NCAPG2: variants seen among roughly 807,000 people sequenced by gnomAD.
NCAPG2 encodes non-SMC condensin II complex subunit G2, also known as condensin-2 complex subunit G2.
A neutral mutation model predicts 141.1 loss-of-function variants in NCAPG2; 53 were observed. The ratio of observed to expected loss-of-function variants is 0.38; its 90% confidence interval spans 0.30 to 0.47. The LOEUF is 0.47. Among genes scored for constraint, NCAPG2 ranks in the 20% least tolerant of loss-of-function variants. The pLI, the probability that NCAPG2 is intolerant of heterozygous loss-of-function variation, is 0.99. For synonymous variants in NCAPG2, 499 were observed against 490.7 expected (o/e 1.02, Z -0.22); for missense variants, 1,087 against 1,389.0 (o/e 0.78, Z 3.46).
rs563110018 is a variant in NCAPG2 at position 158,651,072 on chromosome 7, A to G, written c.2935-100T>C. On this transcript the variant is annotated intron_variant, in intron 23 of 27. Coordinates refer to ENST00000356309, the MANE Select transcript of NCAPG2 (RefSeq NM_017760.7). ...ATAAGTATTCTTACTATCCTCCCCC[A>G]GGACTCAAGGAGTCACTGATCTTGT... is the stretch of plus-strand genomic sequence containing the variant. 135 of 1,238,530 alleles carry G rather than the reference A, an allele frequency of 1.1e-4. No homozygotes were observed. The Admixed American group carries it at 1.5e-3, about 14-fold the overall frequency. 76.7% of individuals were successfully genotyped at this position (1,238,530 alleles called of 1,614,324 possible). A position where few individuals can be genotyped will look rare whatever the true frequency, so the allele number is the denominator to read the frequency against.
At position 158,664,135 on chromosome 7, in the gene NCAPG2, G is replaced by C. The variant is rs774668008; in HGVS notation, c.1815+49C>G. On this transcript the variant is annotated intron_variant, in intron 15 of 27. Transcript: ENST00000356309. ...ATTCCTAACATAATGGCCCATGGGA[G>C]TGATGCCACTGAGGCACTATCTGCC... 6 of 1,368,718 alleles carry C rather than the reference G, an allele frequency of 4.4e-6. No homozygotes were observed. In the South Asian group the frequency reaches 7.0e-5, roughly 16 times the overall value. The allele number at this position is 1,368,718 out of a possible 1,614,324, so 84.8% of individuals were successfully genotyped here.
chr7:158,690,889 C>T lies in NCAPG2; in HGVS notation c.383-167G>A, dbSNP rs1835075768. Among the ~76,000 whole-genome samples, 3 of 152,144 alleles carry T rather than the reference C, an allele frequency of 2.0e-5. No homozygotes were observed. The South Asian group carries it at 6.2e-4, about 32-fold the overall frequency. ...ATTTATATACATTAGTTATAAAATG[C>T]AAATAATGTTAATTAAAAAACTGTT... On this transcript the variant is annotated intron_variant, in intron 4 of 27. Coordinates refer to ENST00000356309, the MANE Select transcript of NCAPG2 (RefSeq NM_017760.7).
intron 24 of NCAPG2, among the ~76,000 whole-genome samples, chr7:158,648,394 A>C (rs1374021299): frequency 1.3e-5 from 2 of 151,322 alleles, no homozygotes; most frequent in Non-Finnish European, 3.0e-5. Context: ...GACAGGAAAG[A>C]AAAAAAAACA....
chr7:158,704,131 G>A (rs1427761675), intron 1 of NCAPG2, among the ~76,000 whole-genome samples: 1 of 147,824 alleles, frequency 6.8e-6, no homozygotes, highest in South Asian at 2.1e-4. Context: ...GACGCTCTCT[G>A]AGGGCAGTGC....
chr7:158,632,085 T>C (rs1563481065), intron 27 of NCAPG2, among the ~76,000 whole-genome samples: 3 of 152,102 alleles, frequency 2.0e-5, no homozygotes, highest in African/African-American at 7.2e-5. Context: ...ACAAGATAAA[T>C]AAAAACTATG....
At position 158,646,411 on chromosome 7, in the gene NCAPG2, G is replaced by A. The variant is rs372583976; in HGVS notation, c.3179+49C>T. The A allele has an allele frequency of 9.1e-5, 126 of 1,378,790 alleles. 1 individual carries two copies. Among genetic ancestry groups the A allele is most frequent in the Non-Finnish European group, 1.1e-4 (110 of 988,404 alleles). The allele number at this position is 1,378,790 out of a possible 1,614,324, so 85.4% of individuals were successfully genotyped here. On this transcript the variant is annotated intron_variant, in intron 25 of 27. Coordinates refer to ENST00000356309, the MANE Select transcript of NCAPG2 (RefSeq NM_017760.7). Reference sequence around the variant, plus strand: ...AGGAATAGAACAAAAGCTGCTGAGCGCTTACAGCCACGATGAGCATTTCAG... The same window carrying A: ...AGGAATAGAACAAAAGCTGCTGAGCACTTACAGCCACGATGAGCATTTCAG...
rs545527627 is a variant in NCAPG2, at chr7:158,646,580, T to C, written c.3076-17A>G. 4 of 1,539,298 alleles carry C rather than the reference T, an allele frequency of 2.6e-6. No homozygotes were observed. In the East Asian group the frequency reaches 7.3e-5, roughly 28 times the overall value. On this transcript the variant is annotated splice_polypyrimidine_tract_variant and intron_variant, in intron 24 of 27. Transcript: ENST00000356309. Reference sequence around the variant, plus strand: ...GTCAGAAACCTAAAAAAGTTCCAAATCAGCAAGTTGTAAACAGAGACTAGG... The same window carrying C: ...GTCAGAAACCTAAAAAAGTTCCAAACCAGCAAGTTGTAAACAGAGACTAGG...
At chr7:158,702,220 C>T (rs1268647815) in intron 1 of NCAPG2, 1 of 222,428 alleles carries the variant, frequency 4.5e-6, no homozygotes, top group Non-Finnish European at 8.7e-6. Flanking sequence ...CCTTAGGAAG[C>T]TCACCACCAT....
At chr7:158,650,191 G>T (rs1173895781) in intron 24 of NCAPG2, among the ~76,000 whole-genome samples, 1 of 152,156 alleles carries the variant, frequency 6.6e-6, no homozygotes, top group Non-Finnish European at 1.5e-5. Context: ...GATTACAGGT[G>T]CGTGCCACCA....
chr7:158,680,783 G>A lies in NCAPG2; in HGVS notation c.958C>T (p.Arg320Trp), dbSNP rs201348020. The change falls in exon 10 of 28, where the codon CGG becomes TGG. Residue 320 changes from arginine (R) to tryptophan (W), a missense_variant. Physicochemically the swap from Arg to Trp is moderately radical, Grantham distance 101. Coordinates refer to ENST00000356309, the MANE Select transcript of NCAPG2 (RefSeq NM_017760.7). ...TAAAGCATCTCTTCCACTCCCTGCC[G>A]AACTTTCTTTTGATGGTGAAAGTAA... ...LSYFHHQKKV[R>W]QGVEEMLYRL... The A allele has an allele frequency of 1.6e-5, 26 of 1,604,426 alleles. No homozygotes were observed. The highest frequency in any genetic ancestry group is 2.7e-5 in the African/African-American group (2 of 74,774).
Position 158,655,447 on chromosome 7 carries a change from C to A in NCAPG2, c.2397G>T (p.Leu799=), listed in dbSNP as rs753832410. The A allele has an allele frequency of 1.2e-6, 2 of 1,613,960 alleles. No homozygotes were observed. The highest frequency in any genetic ancestry group is 1.7e-6 in the Non-Finnish European group (2 of 1,179,964). ...CACCCGGTGTCTGCAGAAGTGACTC[C>A]AGATCTGCCTGTAATAGAAAAAACC... ...LKALETSKAD[L]ESLLQTPGGK... is the part of the protein sequence containing the mutation. Residue 799 remains leucine (L), a synonymous_variant, in exon 20 of 28, where the codon CTG becomes CTT. Transcript: ENST00000356309.
At chr7:158,684,011 C>T (rs553408763) in intron 8 of NCAPG2, among the ~76,000 whole-genome samples, 1 of 152,294 alleles carries the variant, frequency 6.6e-6, no homozygotes, top group African/African-American at 2.4e-5. Flanking sequence ...CCCACCCTCA[C>T]ACATGAGCAG....
Position 158,642,492 on chromosome 7 carries a change from C to T in NCAPG2, c.3380+1797G>A, listed in dbSNP as rs139805358. On this transcript the variant is annotated intron_variant, in intron 27 of 27. Coordinates refer to ENST00000356309, the MANE Select transcript of NCAPG2 (RefSeq NM_017760.7). The stretch of plus-strand genomic sequence containing the variant: ...GGTTAAAGCTGTGATCGTGCCACTA[C>T]ACTCCAGCCTGGGTGACAAAGCAAG... Among the ~76,000 whole-genome samples the T allele has an allele frequency of 1.1e-4, 17 of 152,058 alleles. 1 individual carries two copies. The highest frequency in any genetic ancestry group is 4.1e-4 in the African/African-American group (17 of 41,468).
At chr7:158,682,129 T>C (rs1018707517) in intron 9 of NCAPG2, among the ~76,000 whole-genome samples, 5 of 152,178 alleles carry the variant, frequency 3.3e-5, no homozygotes, top group Non-Finnish European at 5.9e-5. Context: ...TCTATACTTA[T>C]AATATCTTAA....
At chr7:158,663,670 T>C (rs1000357402) in intron 15 of NCAPG2, among the ~76,000 whole-genome samples, 3 of 152,370 alleles carry the variant, frequency 2.0e-5, no homozygotes, top group African/African-American at 7.2e-5. Context: ...AGTTTCTTAA[T>C]GTAGTGGGCA....
intron 19 of NCAPG2, 46 bp downstream of exon 19, chr7:158,656,214 C>A (rs752914337): frequency 1.9e-6 from 3 of 1,588,110 alleles, no homozygotes; most frequent in African/African-American, 1.3e-5. Context: ...GATTTGTCAC[C>A]CCCACAATCA....
At chr7:158,638,644 C>T (rs953053029) in intron 27 of NCAPG2, among the ~76,000 whole-genome samples, 2 of 152,136 alleles carry the variant, frequency 1.3e-5, no homozygotes, top group East Asian at 1.9e-4. Context: ...AACTTATATG[C>T]ACCTAATAAC....
intron 26 of NCAPG2, 130 bp downstream of exon 26, chr7:158,645,389 G>C (rs1587078277): frequency 1.4e-6 from 1 of 719,900 alleles, no homozygotes; most frequent in South Asian, 1.7e-5. Context: ...AAGGCAGGGA[G>C]TGGAAAGGCT....
At chr7:158,682,447 T>C (rs1834507432) in intron 9 of NCAPG2, among the ~76,000 whole-genome samples, 1 of 152,302 alleles carries the variant, frequency 6.6e-6, no homozygotes, top group South Asian at 2.1e-4. Context: ...TAGATAAATC[T>C]CTGGGTTCTT....
Sources: allele counts gnomAD v4.1 joint callset (sites outside exome capture counted in the v4.1 genomes callset), GRCh38; gene constraint gnomAD v4.1.1; transcripts MANE v1.5; gene names NCBI Gene and HGNC (gene_info 2026-07-23, HGNC 2026-07-21).